Variants in HAPLN2 observed in about 807,000 individuals in gnomAD.
HAPLN2 encodes the protein brain link protein-1.
In HAPLN2, 27 loss-of-function variants were observed where a neutral mutation model predicts 29.3. The observed-to-expected ratio is 0.92, with a 90% CI of 0.68 to 1.27. The LOEUF (loss-of-function observed/expected upper bound fraction) is 1.27, where lower values mean the gene tolerates loss of function less well. Ranked by LOEUF, HAPLN2 falls within the 50% of genes most tolerant of loss-of-function variation. The probability of loss-of-function intolerance (pLI) is 0.00; values close to 1 mark genes in which losing one functional copy is unlikely to be tolerated. For missense variants in HAPLN2, 454 were observed against 484.3 expected (o/e 0.94, Z 0.59); for synonymous variants, 208 against 211.7 (o/e 0.98, Z 0.15).
At chr1:156,624,538 C>T in intron 5 of HAPLN2, 63 bp from the exon 6 acceptor site, 4 of 1,600,794 alleles carry the variant, frequency 2.5e-6, no homozygotes, top group South Asian at 2.2e-5. Context: ...GGGCGCCAGG[C>T]GAGCTCAGTC....
At chr1:156,620,800 A>G (rs1678194916) in intron 2 of HAPLN2, among the ~76,000 whole-genome samples, 1 of 152,204 alleles carries the variant, frequency 6.6e-6, no homozygotes, top group African/African-American at 2.4e-5. Flanking sequence ...ATACACACTT[A>G]TTTAGCACCT....
At chr1:156,605,468 C>T in the HAPLN2 span, among the ~76,000 whole-genome samples, 3 of 151,204 alleles carry the variant, frequency 2.0e-5, no homozygotes, top group South Asian at 2.1e-4. Context: ...GGTGCAGTGA[C>T]GTGCACCTGT....
Position 156,625,490 on chromosome 1 carries a change from C to T in HAPLN2, c.*106C>T. 2.4e-6 allele frequency: 3 copies of T among 1,233,048 alleles called. No individual in the cohort carries two copies. The East Asian group carries it at 8.4e-5, about 34-fold the overall frequency. 76.4% of individuals were successfully genotyped at this position (1,233,048 alleles called of 1,614,324 possible). ...GCCTCCCCTCCCTCCAGACCCGGAG[C>T]GGCCTCTCCAGACCTGCCTTCCCAG... On this transcript the variant is annotated 3_prime_UTR_variant, in exon 7 of 7. Coordinates refer to ENST00000255039, the MANE Select transcript of HAPLN2 (RefSeq NM_021817.3). This position sits in a 1 kb window ranked among gnomAD's most constrained non-coding sequence, Gnocchi z 5.7.
chr1:156,624,542 C>T, intron 5 of HAPLN2, 59 bp from the exon 6 acceptor site: 1 of 1,600,208 alleles, frequency 6.2e-7, no homozygotes, highest in South Asian at 1.1e-5. Flanking sequence ...GCCAGGCGAG[C>T]TCAGTCTGGC....
intron 2 of HAPLN2, 55 bp from the exon 3 acceptor site, chr1:156,623,412 C>T: frequency 6.8e-7 from 1 of 1,471,268 alleles, no homozygotes; most frequent in Admixed American, 1.8e-5. Context: ...CAACCCTGCT[C>T]TTCCCCACCC....
At chr1:156,612,239 G>T in the HAPLN2 span, among the ~76,000 whole-genome samples, 1 of 152,140 alleles carries the variant, frequency 6.6e-6, no homozygotes, top group Admixed American at 6.6e-5. Flanking sequence ...GGCCAGGCTG[G>T]TCTTGAACTC....
At chr1:156,608,415 T>C in the HAPLN2 span, among the ~76,000 whole-genome samples, 4 of 152,306 alleles carry the variant, frequency 2.6e-5, no homozygotes, top group African/African-American at 4.8e-5. Flanking sequence ...CCTGGCCTCA[T>C]TGTCTCCTTT....
At chr1:156,601,761 A>G in the HAPLN2 span, among the ~76,000 whole-genome samples, 2 of 152,182 alleles carry the variant, frequency 1.3e-5, no homozygotes, top group Non-Finnish European at 2.9e-5. Flanking sequence ...CGCAAATACG[A>G]GGAAGGAAAA....
rs758485050 is a variant in HAPLN2, at chr1:156,625,384, G to A, written c.1023G>A (p.Ter341=). Residue 341 remains the stop codon, a stop_retained_variant, in exon 7 of 7, where the codon TAG becomes TAA. Transcript: ENST00000255039. This position sits in a 1 kb window ranked among gnomAD's most constrained non-coding sequence, Gnocchi z 5.7. ...AYGTYCYAEN[*] ...GGACCTACTGCTACGCCGAGAATTAGGCGCCCACCGTGTCCCCTCCAGCGC... is the reference window on the plus strand; with the variant it reads ...GGACCTACTGCTACGCCGAGAATTAAGCGCCCACCGTGTCCCCTCCAGCGC... 1 of 1,585,626 alleles carries A rather than the reference G, an allele frequency of 6.3e-7. No individual in the cohort carries two copies. Among genetic ancestry groups the A allele is most frequent in the Non-Finnish European group, 8.6e-7 (1 of 1,165,308 alleles).
the HAPLN2 span, among the ~76,000 whole-genome samples, chr1:156,611,910 C>A: frequency 1.3e-5 from 2 of 152,136 alleles, no homozygotes; most frequent in Non-Finnish European, 2.9e-5. Context: ...AGGAACAGAG[C>A]CTGTGGAACT....
chr1:156,610,206 C>A, the HAPLN2 span, among the ~76,000 whole-genome samples: 1 of 151,928 alleles, frequency 6.6e-6, no homozygotes, highest in Non-Finnish European at 1.5e-5. Flanking sequence ...GAGCAAGACT[C>A]CATCTCAAAA....
the HAPLN2 span, among the ~76,000 whole-genome samples, chr1:156,603,135 A>G: frequency 6.6e-6 from 1 of 151,878 alleles, no homozygotes; most frequent in Admixed American, 6.6e-5. Context: ...TTCCTTAGAG[A>G]TGGATTCAAC....
At chr1:156,601,673 G>C in the HAPLN2 span, among the ~76,000 whole-genome samples, 3 of 152,172 alleles carry the variant, frequency 2.0e-5, no homozygotes, top group African/African-American at 7.2e-5. Context: ...TCCTTGAGCA[G>C]CCAAGGGACT....
At chr1:156,618,663 C>T (rs1373412410), upstream of HAPLN2, among the ~76,000 whole-genome samples, 1 of 151,376 alleles carries the variant, frequency 6.6e-6, no homozygotes, top group Non-Finnish European at 1.5e-5. Context: ...CCTGTAGTCC[C>T]AGCTACTTGG....
chr1:156,624,280 A>C, intron 4 of HAPLN2, 71 bp from the exon 5 acceptor site: 1 of 1,511,606 alleles, frequency 6.6e-7, no homozygotes, highest in Non-Finnish European at 9.0e-7. Flanking sequence ...TCCCTCTCCC[A>C]GGCCGCGCCG....
At chr1:156,621,462 C>T (rs1295629458) in intron 2 of HAPLN2, among the ~76,000 whole-genome samples, 3 of 151,652 alleles carry the variant, frequency 2.0e-5, no homozygotes, top group Admixed American at 6.6e-5. Context: ...GTGCTGGAGG[C>T]GATGGCTCAC....
At chr1:156,604,652 A>G in the HAPLN2 span, among the ~76,000 whole-genome samples, 1 of 152,222 alleles carries the variant, frequency 6.6e-6, no homozygotes, top group Non-Finnish European at 1.5e-5. Flanking sequence ...AAGATACAAA[A>G]TGTTACCTAC....
intron 1 of HAPLN2, 65 bp from the exon 2 acceptor site, chr1:156,619,950 GCTT>G (rs1247396677): frequency 1.3e-5 from 2 of 152,586 alleles, no homozygotes; most frequent in Non-Finnish European, 2.9e-5. Context: ...TGGCACCTTG[GCTT>G]CTTCTTTGAG....
At position 156,624,776 on chromosome 1, in the gene HAPLN2, G is replaced by A; in HGVS notation, c.732G>A (p.Ala244=). ...ACGACGCCTTCTGCTTCACCTCCGCGCTGGCGGGTGAGGCGCGGGACGAAG... is the reference window on the plus strand; with the variant it reads ...ACGACGCCTTCTGCTTCACCTCCGCACTGGCGGGTGAGGCGCGGGACGAAG... ...DRYDAFCFTS[A]LAGQVFFVPG... The change falls in exon 6 of 7, where the codon GCG becomes GCA. Residue 244 remains alanine, a synonymous_variant. Transcript: ENST00000255039. 1.3e-6 allele frequency: 2 copies of A among 1,504,420 alleles called. No individual in the cohort carries two copies. The highest frequency in any genetic ancestry group is 1.8e-6 in the Non-Finnish European group (2 of 1,135,224). The allele number at this position is 1,504,420 out of a possible 1,614,324, so 93.2% of individuals were successfully genotyped here. A position where few individuals can be genotyped will look rare whatever the true frequency, so the allele number is the denominator to read the frequency against.
Sources: gnomAD v4.1 joint callset for allele counts (sites outside exome capture counted in the v4.1 genomes callset) on GRCh38, gnomAD v4.1.1 for gene constraint, Gnocchi (gnomAD v3.1) non-coding constraint, MANE v1.5 for transcripts, NCBI Gene and HGNC (gene_info 2026-07-23, HGNC 2026-07-21) for gene names.